NPAS2: variants seen among roughly 807,000 people sequenced by gnomAD.
NPAS2 encodes neuronal PAS domain-containing protein 2.
A neutral mutation model predicts 107.5 loss-of-function variants in NPAS2; 23 were observed. The ratio of observed to expected loss-of-function variants is 0.21; its 90% CI spans 0.15 to 0.30. The LOEUF (loss-of-function observed/expected upper bound fraction) is 0.30, where lower values mean the gene tolerates loss of function less well. NPAS2 is among the 10% of genes least tolerant of loss of function. The pLI is 1.00. For missense variants in NPAS2, 756 were observed against 1,043.3 expected (o/e 0.72, Z 3.79); for synonymous variants, 403 against 417.5 (o/e 0.97, Z 0.42).
chr2:100,882,252 T>C (rs2104640264), intron 1 of NPAS2, among the ~76,000 whole-genome samples: 1 of 152,284 alleles, frequency 6.6e-6, no homozygotes, highest in Non-Finnish European at 1.5e-5. Flanking sequence ...CCTGTAGAAT[T>C]GTGTCATTTG....
At chr2:100,967,040 G>A (rs752670276) in intron 10 of NPAS2, among the ~76,000 whole-genome samples, 1 of 151,482 alleles carries the variant, frequency 6.6e-6, no homozygotes, top group Admixed American at 6.6e-5. Flanking sequence ...TAGGCATCAC[G>A]GGAAGTTTGC....
chr2:100,951,686 A>G (rs901176927), intron 7 of NPAS2, among the ~76,000 whole-genome samples: 2 of 152,100 alleles, frequency 1.3e-5, no homozygotes, highest in South Asian at 2.1e-4. Flanking sequence ...GGAGGGGGAA[A>G]TGGGAGTTGC....
intron 1 of NPAS2, among the ~76,000 whole-genome samples, chr2:100,892,400 A>C (rs989226688): frequency 6.6e-6 from 1 of 152,218 alleles, no homozygotes; most frequent in African/African-American, 2.4e-5. Flanking sequence ...TGGTTGTAAC[A>C]GGCAGATAAA....
chr2:100,844,882 A>G (rs1300498552), intron 1 of NPAS2, among the ~76,000 whole-genome samples: 1 of 152,158 alleles, frequency 6.6e-6, no homozygotes, highest in Non-Finnish European at 1.5e-5. Flanking sequence ...TGAGGAAGGG[A>G]TGAGAGACAT....
In NPAS2 at chr2:100,932,891, A is replaced by G; in HGVS notation, c.182-19A>G. On this transcript the variant is annotated intron_variant, in intron 3 of 20. Coordinates refer to ENST00000335681, the MANE Select transcript of NPAS2 (RefSeq NM_002518.4). ...TAGGTGCCATTGAATATAAAGGCTT[A>G]TTTGTGTCTCTTTTCTAGAAGTCTC... 3 of 1,584,498 alleles carry G rather than the reference A, an allele frequency of 1.9e-6. No homozygotes were observed. Among genetic ancestry groups the G allele is most frequent in the Non-Finnish European group, 2.6e-6 (3 of 1,153,186 alleles).
intron 1 of NPAS2, among the ~76,000 whole-genome samples, chr2:100,873,767 C>T (rs1679773027): frequency 6.6e-6 from 1 of 152,144 alleles, no homozygotes; most frequent in Non-Finnish European, 1.5e-5. Context: ...GGCTGCTGCA[C>T]AGGTGTAATG....
intron 2 of NPAS2, among the ~76,000 whole-genome samples, chr2:100,906,583 C>A (rs748885405): frequency 1.3e-5 from 2 of 152,206 alleles, no homozygotes; most frequent in Non-Finnish European, 2.9e-5. Context: ...TACAGTAATA[C>A]ATTTACAGGG....
chr2:100,892,751 G>A (rs57682207), intron 1 of NPAS2, among the ~76,000 whole-genome samples: 1 of 152,070 alleles, frequency 6.6e-6, no homozygotes, highest in African/African-American at 2.4e-5. Flanking sequence ...ACAGAGTCTC[G>A]CTCTGTCGCC....
At chr2:100,977,080 CAG>C (rs1348965003) in intron 14 of NPAS2, 2 of 151,818 alleles carry the variant, frequency 1.3e-5, no homozygotes, top group Non-Finnish European at 2.9e-5. Flanking sequence ...GCCCGTGAAG[CAG>C]AGTGTTTCAT....
chr2:100,901,639 CCTT>C lies in NPAS2; in HGVS notation c.-22-3090_-22-3088del, dbSNP rs368118822. 9.8e-5 allele frequency: 74 copies of C among 756,890 alleles called. No homozygotes were observed. In the East Asian group the frequency reaches 6.7e-3, roughly 69 times the overall value. 46.9% of individuals were successfully genotyped at this position (756,890 alleles called of 1,614,324 possible). A position where few individuals can be genotyped will look rare whatever the true frequency, so the allele number is the denominator to read the frequency against. ...ATGAGAGTGTTTATTCCCTTGGCTCCCTTCTTGTCCCTTCACTGAAGGCCGCCT... is the reference window on the plus strand; with the variant it reads ...ATGAGAGTGTTTATTCCCTTGGCTCCCTTGTCCCTTCACTGAAGGCCGCCT... On this transcript the variant is annotated intron_variant, in intron 1 of 20. Transcript: ENST00000335681.
intron 1 of NPAS2, among the ~76,000 whole-genome samples, chr2:100,874,950 A>G (rs1182836913): frequency 6.6e-6 from 1 of 152,144 alleles, no homozygotes; most frequent in Non-Finnish European, 1.5e-5. Context: ...GGTGGGCCTC[A>G]TGCTGGATCA....
chr2:100,951,924 C>A (rs183250508), intron 7 of NPAS2, among the ~76,000 whole-genome samples: 9 of 151,894 alleles, frequency 5.9e-5, no homozygotes, highest in African/African-American at 2.2e-4. Flanking sequence ...CCGAGGCGGG[C>A]GGATCACGAG....
At chr2:100,978,723 G>A (rs1002656055) in intron 15 of NPAS2, among the ~76,000 whole-genome samples, 4 of 152,164 alleles carry the variant, frequency 2.6e-5, no homozygotes, top group East Asian at 1.9e-4. Context: ...AAACAGAGAC[G>A]CCGCCGTGGC....
chr2:100,837,448 C>T (rs992543186), intron 1 of NPAS2, among the ~76,000 whole-genome samples: 9 of 152,068 alleles, frequency 5.9e-5, no homozygotes, highest in Non-Finnish European at 4.4e-5. Flanking sequence ...CCATCACGTC[C>T]AGCTAATTTT....
chr2:100,905,808 T>G (rs1482962017), intron 2 of NPAS2, among the ~76,000 whole-genome samples: 2 of 152,094 alleles, frequency 1.3e-5, no homozygotes, highest in Non-Finnish European at 2.9e-5. Flanking sequence ...TTGTCACCTG[T>G]AAATGGTAGT....
intron 15 of NPAS2, among the ~76,000 whole-genome samples, chr2:100,980,787 A>T (rs963920118): frequency 2.0e-5 from 3 of 152,136 alleles, no homozygotes; most frequent in Non-Finnish European, 4.4e-5. Context: ...AGGTATTTTT[A>T]AATGCATGGG....
chr2:100,944,014 A>G (rs1324643700), intron 5 of NPAS2, among the ~76,000 whole-genome samples: 1 of 152,122 alleles, frequency 6.6e-6, no homozygotes, highest in Non-Finnish European at 1.5e-5. Context: ...TACCTTTTAT[A>G]TCTCAATTAA....
chr2:100,838,822 T>C (rs1387568020), intron 1 of NPAS2, among the ~76,000 whole-genome samples: 1 of 152,202 alleles, frequency 6.6e-6, no homozygotes, highest in Non-Finnish European at 1.5e-5. Flanking sequence ...AGGGGTGCTT[T>C]GCTCCATTGC....
At chr2:100,946,391 GA>G (rs1185673556) in intron 5 of NPAS2, among the ~76,000 whole-genome samples, 1 of 152,062 alleles carries the variant, frequency 6.6e-6, no homozygotes, top group Non-Finnish European at 1.5e-5. Flanking sequence ...CAGAGGAAGT[GA>G]CTTCAAAGCA....
Sources: allele counts gnomAD v4.1 joint callset (sites outside exome capture counted in the v4.1 genomes callset), GRCh38; gene constraint gnomAD v4.1.1; transcripts MANE v1.5; gene names NCBI Gene and HGNC (gene_info 2026-07-23, HGNC 2026-07-21).